Variants in RAB3B observed in about 807,000 individuals in gnomAD.
RAB3B encodes the protein RAB3B, member RAS oncogene family.
Under a neutral mutation model 20.5 loss-of-function variants are expected in RAB3B, and 11 were observed. The ratio of observed to expected loss-of-function variants is 0.54; its 90% CI spans 0.34 to 0.89. The LOEUF (loss-of-function observed/expected upper bound fraction) is 0.89, where lower values mean the gene tolerates loss of function less well. Ranked by LOEUF, RAB3B falls within the 40% of genes least tolerant of loss-of-function variation. The pLI is 0.02. For synonymous variants in RAB3B, 99 were observed against 106.3 expected (o/e 0.93, Z 0.42); for missense variants, 225 against 280.9 (o/e 0.80, Z 1.42).
chr1:51,922,787 C>T (rs980512513), intron 4 of RAB3B, among the ~76,000 whole-genome samples: 3 of 151,994 alleles, frequency 2.0e-5, no homozygotes, highest in Non-Finnish European at 4.4e-5. Context: ...ACCTCTGCCT[C>T]CCGGGTTCAA....
intron 2 of RAB3B, among the ~76,000 whole-genome samples, chr1:51,957,983 C>G (rs1684733450): frequency 6.6e-6 from 1 of 152,224 alleles, no homozygotes; most frequent in South Asian, 2.1e-4. Context: ...AGCCTGAACA[C>G]AGGGTCCAAC....
At chr1:51,934,509 C>T (rs1684369645) in intron 3 of RAB3B, among the ~76,000 whole-genome samples, 2 of 152,082 alleles carry the variant, frequency 1.3e-5, no homozygotes, top group South Asian at 2.1e-4. Context: ...CGCTGGCCCA[C>T]GCCTGTAATC....
At chr1:51,952,564 G>A (rs896962880) in intron 2 of RAB3B, among the ~76,000 whole-genome samples, 2 of 152,126 alleles carry the variant, frequency 1.3e-5, no homozygotes, top group Non-Finnish European at 1.5e-5. Context: ...CATTTAGACT[G>A]GAGGAGGGGC....
intron 2 of RAB3B, among the ~76,000 whole-genome samples, chr1:51,975,627 AG>A (rs781138792): frequency 1.3e-5 from 2 of 152,216 alleles, no homozygotes; most frequent in Non-Finnish European, 2.9e-5. Flanking sequence ...ACACTCTAAG[AG>A]GCCAAATGGG....
intron 2 of RAB3B, among the ~76,000 whole-genome samples, chr1:51,952,593 T>C (rs990548507): frequency 5.9e-5 from 9 of 152,140 alleles, no homozygotes; most frequent in Non-Finnish European, 1.2e-4. Flanking sequence ...ATTGTTTCTG[T>C]ACCCTCAGTG....
At chr1:51,932,052 A>G (rs559425065) in intron 4 of RAB3B, among the ~76,000 whole-genome samples, 19 of 152,176 alleles carry the variant, frequency 1.2e-4, no homozygotes, top group Non-Finnish European at 2.4e-4. Context: ...AAGGCCCAAG[A>G]TGACCCAACC....
At chr1:51,964,887 A>G (rs976619519) in intron 2 of RAB3B, among the ~76,000 whole-genome samples, 1 of 152,208 alleles carries the variant, frequency 6.6e-6, no homozygotes, top group Non-Finnish European at 1.5e-5. Flanking sequence ...TTCATAATTT[A>G]TTCTTGAAAC....
chr1:51,965,743 A>C (rs1684843140), intron 2 of RAB3B, among the ~76,000 whole-genome samples: 1 of 152,214 alleles, frequency 6.6e-6, no homozygotes. Flanking sequence ...TGGATCCTGC[A>C]ATGGTAATAG....
At chr1:51,937,097 A>G (rs529587106) in intron 3 of RAB3B, among the ~76,000 whole-genome samples, 197 bp downstream of exon 3, 1 of 152,234 alleles carries the variant, frequency 6.6e-6, no homozygotes, top group East Asian at 1.9e-4. Context: ...TACAGGCGTG[A>G]GCCACTGCAC....
intron 4 of RAB3B, among the ~76,000 whole-genome samples, chr1:51,930,233 C>A (rs2124245311): frequency 6.6e-6 from 1 of 152,304 alleles, no homozygotes; most frequent in African/African-American, 2.4e-5. Flanking sequence ...GAGTCCACCA[C>A]TTGCTAATGG....
chr1:51,941,528 G>A (rs1029167578), intron 2 of RAB3B, among the ~76,000 whole-genome samples: 1 of 152,154 alleles, frequency 6.6e-6, no homozygotes, highest in African/African-American at 2.4e-5. Context: ...ATTCATTGAG[G>A]TATTTAAGAG....
intron 2 of RAB3B, among the ~76,000 whole-genome samples, chr1:51,938,530 G>A (rs953697756): frequency 3.3e-5 from 5 of 151,046 alleles, no homozygotes; most frequent in African/African-American, 4.9e-5. Flanking sequence ...AATATTTAAC[G>A]ATATGAGACA....
chr1:51,965,214 T>A (rs1684833214), intron 2 of RAB3B, among the ~76,000 whole-genome samples: 2 of 49,736 alleles, frequency 4.0e-5, no homozygotes, highest in Non-Finnish European at 9.9e-5. Flanking sequence ...AGTGAAATTC[T>A]GTCTCAAAAA....
intron 4 of RAB3B, among the ~76,000 whole-genome samples, chr1:51,931,454 A>G (rs1684322466): frequency 6.6e-6 from 1 of 152,178 alleles, no homozygotes; most frequent in South Asian, 2.1e-4. Context: ...AATGTAGCCT[A>G]TTTCACAGCT....
intron 1 of RAB3B, among the ~76,000 whole-genome samples, chr1:51,985,643 C>T (rs908341300): frequency 5.3e-5 from 8 of 152,056 alleles, no homozygotes; most frequent in Admixed American, 3.9e-4. Context: ...ACTTACTTCA[C>T]GAGGTGCTGT....
intron 4 of RAB3B, among the ~76,000 whole-genome samples, chr1:51,926,841 G>A (rs1242849733): frequency 1.3e-5 from 2 of 152,178 alleles, no homozygotes; most frequent in Non-Finnish European, 2.9e-5. Flanking sequence ...AGGCACAGAA[G>A]TGTGGCACAG....
intron 2 of RAB3B, among the ~76,000 whole-genome samples, chr1:51,958,765 G>C (rs1002008909): frequency 1.3e-5 from 2 of 151,436 alleles, no homozygotes; most frequent in Non-Finnish European, 2.9e-5. Context: ...ACTCATTCTA[G>C]AGAGGCTAAC....
At chr1:51,966,814 G>C (rs1308076907) in intron 2 of RAB3B, among the ~76,000 whole-genome samples, 1 of 151,268 alleles carries the variant, frequency 6.6e-6, no homozygotes, top group Non-Finnish European at 1.5e-5. Flanking sequence ...ACAGAGACTT[G>C]TCAGAGCCCC....
rs947035437 is a variant in RAB3B, at chr1:51,908,908, A to G, written c.*11019T>C. 6.6e-6 allele frequency: 1 copy of G among 152,228 alleles called. No individual in the cohort carries two copies. Among genetic ancestry groups the G allele is most frequent in the African/African-American group, 2.4e-5 (1 of 41,458 alleles). The allele number at this position is 152,228 out of a possible 1,614,324, so 9.4% of individuals were successfully genotyped here. On this transcript the variant is annotated 3_prime_UTR_variant, in exon 5 of 5. Coordinates refer to ENST00000371655, the MANE Select transcript of RAB3B (RefSeq NM_002867.4). ...CAAAGATCATCAGGGCATGGATGGGAAAGTGCTTTGGGAACTGTAAAGTGC... is the reference window on the plus strand; with the variant it reads ...CAAAGATCATCAGGGCATGGATGGGGAAGTGCTTTGGGAACTGTAAAGTGC...
Sources: allele counts gnomAD v4.1 joint callset (sites outside exome capture counted in the v4.1 genomes callset), GRCh38; gene constraint gnomAD v4.1.1; transcripts MANE v1.5; gene names NCBI Gene and HGNC (gene_info 2026-07-23, HGNC 2026-07-21).